Variants in SLX4IP observed in about 807,000 individuals in gnomAD.
SLX4IP encodes the protein protein SLX4IP.
In SLX4IP, 34 loss-of-function variants were observed where a neutral mutation model predicts 32.9. The observed-to-expected ratio is 1.03, with a 90% CI of 0.79 to 1.38. The LOEUF is 1.38. Ranked by LOEUF, SLX4IP falls within the 40% of genes most tolerant of loss-of-function variation. The pLI is 0.00. For synonymous variants in SLX4IP, 172 were observed against 171.7 expected, an observed-to-expected ratio of 1.00 and a Z score of -0.01; for missense variants, 444 against 479.0, an observed-to-expected ratio of 0.93 and a Z score of 0.68.
At chr20:10,557,702 C>G (rs557786221) in intron 3 of SLX4IP, among the ~76,000 whole-genome samples, 1 of 152,192 alleles carries the variant, frequency 6.6e-6, no homozygotes, top group African/African-American at 2.4e-5. Context: ...CACCTTAGAC[C>G]TTTATCGGCC....
intron 2 of SLX4IP, among the ~76,000 whole-genome samples, chr20:10,524,662 A>G (rs769319945): frequency 1.3e-5 from 2 of 152,248 alleles, no homozygotes; most frequent in African/African-American, 2.4e-5. Flanking sequence ...GTGGAGCTAC[A>G]AAAGTATTAG....
chr20:10,443,690 C>T (rs759502642), intron 1 of SLX4IP, among the ~76,000 whole-genome samples: 2 of 152,082 alleles, frequency 1.3e-5, no homozygotes, highest in Admixed American at 6.5e-5. Context: ...TGATATTGTT[C>T]GGATTTGTGT....
chr20:10,545,703 C>CG (rs1455951938), intron 2 of SLX4IP, among the ~76,000 whole-genome samples: 3 of 152,170 alleles, frequency 2.0e-5, no homozygotes, highest in African/African-American at 7.2e-5. Context: ...CTGAATTCCT[C>CG]TAAGTCATCC....
At chr20:10,590,845 C>G (rs6077841) in intron 4 of SLX4IP, among the ~76,000 whole-genome samples, 9,081 of 151,996 alleles carry the variant, frequency 0.06, 399 homozygotes, top group Non-Finnish European at 0.097. Context: ...CGAAGACACA[C>G]AAAAAAGAAA....
At chr20:10,531,467 G>A (rs6074155) in intron 2 of SLX4IP, among the ~76,000 whole-genome samples, 17,116 of 152,092 alleles carry the variant, frequency 0.11, 1,289 homozygotes, top group Non-Finnish European at 0.17. Context: ...GTTTCTCTTT[G>A]CTGTTTTTAA....
intron 1 of SLX4IP, among the ~76,000 whole-genome samples, chr20:10,454,737 A>C (rs540691621): frequency 9.2e-5 from 14 of 151,546 alleles, no homozygotes; most frequent in Non-Finnish European, 2.1e-4. Context: ...TTTTGTATGG[A>C]GTTATTATTT....
At chr20:10,598,823 A>G in intron 5 of SLX4IP, 71 bp downstream of exon 5, 1 of 1,487,300 alleles carries the variant, frequency 6.7e-7, no homozygotes, top group Non-Finnish European at 9.4e-7. Flanking sequence ...GAAGGGATGA[A>G]AATTAAGGAG....
At chr20:10,513,841 C>T (rs569223288) in intron 2 of SLX4IP, among the ~76,000 whole-genome samples, 3 of 152,290 alleles carry the variant, frequency 2.0e-5, no homozygotes, top group Non-Finnish European at 4.4e-5. Flanking sequence ...TGGCTTCTAG[C>T]GAGGACAGTG....
intron 4 of SLX4IP, among the ~76,000 whole-genome samples, chr20:10,567,228 G>A (rs138290557): frequency 6.6e-6 from 1 of 152,140 alleles, no homozygotes; most frequent in African/African-American, 2.4e-5. Context: ...CTCATTATAA[G>A]AACCTCTCCT....
At chr20:10,546,310 G>A (rs1462358996) in intron 2 of SLX4IP, among the ~76,000 whole-genome samples, 3 of 152,220 alleles carry the variant, frequency 2.0e-5, no homozygotes, top group Non-Finnish European at 2.9e-5. Flanking sequence ...TGTAAGAGGA[G>A]AGTTCATAGT....
chr20:10,449,697 G>A (rs2065226762), intron 1 of SLX4IP, among the ~76,000 whole-genome samples: 1 of 152,144 alleles, frequency 6.6e-6, no homozygotes, highest in Non-Finnish European at 1.5e-5. Context: ...GTGGAAACAA[G>A]TGAAAAAGTT....
chr20:10,477,987 TTCC>T (rs1243968906), intron 2 of SLX4IP, among the ~76,000 whole-genome samples: 1 of 151,042 alleles, frequency 6.6e-6, no homozygotes, highest in Non-Finnish European at 1.5e-5. Flanking sequence ...CAACCTCCGC[TTCC>T]CAGGTTCAAG....
chr20:10,524,840 T>G (rs2065928238), intron 2 of SLX4IP, among the ~76,000 whole-genome samples: 1 of 152,228 alleles, frequency 6.6e-6, no homozygotes, highest in African/African-American at 2.4e-5. Flanking sequence ...TCCAGAATTC[T>G]GATCTCCTGC....
intron 2 of SLX4IP, among the ~76,000 whole-genome samples, chr20:10,520,439 A>G (rs537899587): frequency 6.6e-6 from 1 of 152,332 alleles, no homozygotes; most frequent in African/African-American, 2.4e-5. Flanking sequence ...TATGATTTGA[A>G]AGCATTTTCT....
At chr20:10,534,637 A>G (rs1180337425) in intron 2 of SLX4IP, among the ~76,000 whole-genome samples, 1 of 152,190 alleles carries the variant, frequency 6.6e-6, no homozygotes, top group African/African-American at 2.4e-5. Context: ...CTCCGTGTTC[A>G]GCTCCTGGCG....
intron 2 of SLX4IP, among the ~76,000 whole-genome samples, chr20:10,486,183 AAT>A (rs1491229622): frequency 1.1e-3 from 53 of 48,484 alleles, no homozygotes; most frequent in Non-Finnish European, 1.7e-3. Flanking sequence ...TCCTTGCTTA[AAT>A]TTTTTTTTTT....
chr20:10,472,265 C>T (rs2065430845), intron 2 of SLX4IP, among the ~76,000 whole-genome samples: 1 of 148,134 alleles, frequency 6.8e-6, no homozygotes, highest in African/African-American at 2.5e-5. Flanking sequence ...GAGTCTGGCT[C>T]TGTCGCCCAG....
chr20:10,450,904 A>C lies in SLX4IP; in HGVS notation c.-29-7272A>C, dbSNP rs568399305. Among the ~76,000 whole-genome samples, 28 of 152,152 alleles carry C rather than the reference A, an allele frequency of 1.8e-4. No homozygotes were observed. The East Asian group carries it at 5.1e-3, about 27-fold the overall frequency. Reference sequence around the variant, plus strand: ...GTAGCTGGGACTACAGGCGCCCGCCACTACGCCCGGGTAATTTTTTTGGGT... The same window carrying C: ...GTAGCTGGGACTACAGGCGCCCGCCCCTACGCCCGGGTAATTTTTTTGGGT... On this transcript the variant is annotated intron_variant, in intron 1 of 7. Transcript: ENST00000334534.
At chr20:10,538,565 G>A (rs955069728) in intron 2 of SLX4IP, among the ~76,000 whole-genome samples, 10 of 149,682 alleles carry the variant, frequency 6.7e-5, no homozygotes, top group South Asian at 2.1e-4. Flanking sequence ...TCACTCTGTC[G>A]CCCAGGCTGG....
Sources: allele counts gnomAD v4.1 joint callset (sites outside exome capture counted in the v4.1 genomes callset), GRCh38; gene constraint gnomAD v4.1.1; transcripts MANE v1.5; gene names NCBI Gene and HGNC (gene_info 2026-07-23, HGNC 2026-07-21).